The following MET variants were observed in gnomAD, a reference collection of about 807,000 sequenced individuals.
MET encodes MET proto-oncogene, receptor tyrosine kinase, also known as hepatocyte growth factor receptor.
Under a neutral mutation model 133.1 loss-of-function variants are expected in MET, and 48 were observed. The observed-to-expected ratio is 0.36, with a 90% confidence interval of 0.29 to 0.46. The LOEUF (loss-of-function observed/expected upper bound fraction) is 0.46. MET is among the 20% of genes least tolerant of loss of function. The pLI is 1.00. For synonymous variants in MET, 628 were observed against 616.5 expected (o/e 1.02, Z -0.28); for missense variants, 1,442 against 1,695.9 (o/e 0.85, Z 2.63).
chr7:116,788,368 A>G (rs1479375451), intron 19 of MET, among the ~76,000 whole-genome samples: 1 of 152,220 alleles, frequency 6.6e-6, no homozygotes, highest in Non-Finnish European at 1.5e-5. Context: ...TTATACCTCA[A>G]CAAAGCTGAT....
chr7:116,783,567 AC>A, intron 19 of MET, 98 bp downstream of exon 19: 3 of 1,239,528 alleles, frequency 2.4e-6, no homozygotes, highest in Non-Finnish European at 3.5e-6. Flanking sequence ...AAAATTCAAC[AC>A]CACCAATTCC....
intron 5 of MET, among the ~76,000 whole-genome samples, chr7:116,744,326 C>G (rs555677632): frequency 6.6e-6 from 1 of 151,732 alleles, no homozygotes; most frequent in South Asian, 2.1e-4. Flanking sequence ...CTAGAATAAC[C>G]GTTTAGAGAA....
chr7:116,685,455 A>G (rs1796515973), intron 1 of MET, among the ~76,000 whole-genome samples: 1 of 152,114 alleles, frequency 6.6e-6, no homozygotes, highest in South Asian at 2.1e-4. Flanking sequence ...AGGCGGGTGG[A>G]TAGTGAGGCG....
intron 2 of MET, among the ~76,000 whole-genome samples, chr7:116,709,582 G>A (rs1290831460): frequency 2.6e-5 from 4 of 152,078 alleles, no homozygotes; most frequent in Non-Finnish European, 4.4e-5. Flanking sequence ...CGAGAAAGAA[G>A]GGGTGTTTTC....
chr7:116,780,392 A>C (rs1473904760), intron 17 of MET, among the ~76,000 whole-genome samples: 1 of 152,198 alleles, frequency 6.6e-6, no homozygotes, highest in Non-Finnish European at 1.5e-5. Context: ...TACTCAGCCA[A>C]AAGAATAAAA....
intron 3 of MET, among the ~76,000 whole-genome samples, chr7:116,733,869 AAT>A (rs1189997744): frequency 6.6e-6 from 1 of 152,200 alleles, no homozygotes; most frequent in Non-Finnish European, 1.5e-5. Flanking sequence ...ACCTGATAAT[AAT>A]AGTACCTACA....
intron 1 of MET, among the ~76,000 whole-genome samples, chr7:116,682,785 G>A (rs562234679): frequency 2.6e-4 from 40 of 152,036 alleles, no homozygotes; most frequent in African/African-American, 4.8e-4. Flanking sequence ...CCAATTTTTC[G>A]CCATGCCCAC....
At chr7:116,685,885 C>T (rs544259242) in intron 1 of MET, among the ~76,000 whole-genome samples, 4 of 152,094 alleles carry the variant, frequency 2.6e-5, no homozygotes, top group African/African-American at 7.2e-5. Flanking sequence ...TCAGTAAATC[C>T]GGATGGAGTT....
chr7:116,702,607 A>G (rs1791622766), intron 2 of MET, among the ~76,000 whole-genome samples: 1 of 152,168 alleles, frequency 6.6e-6, no homozygotes, highest in Non-Finnish European at 1.5e-5. Context: ...AAATCAAGTG[A>G]CCCTTTTAAT....
chr7:116,730,325 T>C (rs936461199), intron 2 of MET, among the ~76,000 whole-genome samples: 25 of 152,154 alleles, frequency 1.6e-4, no homozygotes, highest in Non-Finnish European at 2.9e-4. Flanking sequence ...TCTGGAGAAG[T>C]TGGGCAGGGG....
At chr7:116,691,443 T>A (rs1178399278) in intron 1 of MET, among the ~76,000 whole-genome samples, 1 of 152,226 alleles carries the variant, frequency 6.6e-6, no homozygotes, top group Non-Finnish European at 1.5e-5. Context: ...AAACTCAAGT[T>A]TGTAGTATTG....
rs1348453406 is a variant in MET at position 116,782,030 on chromosome 7, G to A, written c.3565G>A (p.Ala1189Thr). ...KDLIGFGLQV[A>T]KGMKYLASKK... Reference sequence around the variant, plus strand: ...TCTTATTGGCTTTGGTCTTCAAGTAGCCAAAGGCATGAAATATCTTGCAAG... The same window carrying A: ...TCTTATTGGCTTTGGTCTTCAAGTAACCAAAGGCATGAAATATCTTGCAAG... The change falls in exon 18 of 21, where the codon GCC becomes ACC. Residue 1189 changes from alanine to threonine, a missense_variant. This residue lies in a region of MET where 514 missense variants were observed against 659.6 expected (regional missense o/e 0.78). Coordinates refer to ENST00000397752, the MANE Select transcript of MET (RefSeq NM_000245.4). 4 of 1,613,858 alleles carry A rather than the reference G, an allele frequency of 2.5e-6. No individual in the cohort carries two copies. Among genetic ancestry groups the A allele is most frequent in the Non-Finnish European group, 2.5e-6 (3 of 1,179,886 alleles).
At chr7:116,792,779 A>G (rs1007080391) in intron 19 of MET, among the ~76,000 whole-genome samples, 1 of 152,204 alleles carries the variant, frequency 6.6e-6, no homozygotes, top group African/African-American at 2.4e-5. Context: ...ACAAATCTAC[A>G]TGTAGCGTAG....
intron 19 of MET, among the ~76,000 whole-genome samples, chr7:116,790,379 C>T (rs1448600869): frequency 2.0e-5 from 3 of 152,066 alleles, no homozygotes; most frequent in Admixed American, 6.6e-5. Flanking sequence ...TTTTTAGGAC[C>T]GACTTATTTC....
chr7:116,757,313 A>G (rs923267515), intron 6 of MET, 124 bp from the exon 7 acceptor site: 27 of 780,764 alleles, frequency 3.5e-5, no homozygotes, highest in Non-Finnish European at 6.0e-5. Context: ...GCTTATCTTG[A>G]AACTCTGCTT....
At chr7:116,742,359 A>G (rs1316047252) in intron 5 of MET, among the ~76,000 whole-genome samples, 2 of 152,210 alleles carry the variant, frequency 1.3e-5, no homozygotes, top group Non-Finnish European at 2.9e-5. Context: ...GTATTTGTGT[A>G]CTTTTTTGTT....
At chr7:116,690,521 G>A (rs1796744982) in intron 1 of MET, among the ~76,000 whole-genome samples, 1 of 152,186 alleles carries the variant, frequency 6.6e-6, no homozygotes, top group South Asian at 2.1e-4. Context: ...TCGATTCACT[G>A]TTGGAAACCA....
chr7:116,789,101 T>G (rs1446170462), intron 19 of MET, among the ~76,000 whole-genome samples: 1 of 152,204 alleles, frequency 6.6e-6, no homozygotes, highest in Non-Finnish European at 1.5e-5. Flanking sequence ...TTCTTGAAAT[T>G]TCCTCTTCCT....
intron 1 of MET, among the ~76,000 whole-genome samples, chr7:116,687,198 T>C (rs777385331): frequency 6.6e-6 from 1 of 152,244 alleles, no homozygotes; most frequent in Non-Finnish European, 1.5e-5. Flanking sequence ...CCCTGAATTG[T>C]TTTCCTTGAA....
Sources: gnomAD v4.1 joint callset for allele counts (sites outside exome capture counted in the v4.1 genomes callset) on GRCh38, gnomAD v4.1.1 for gene constraint, gnomAD v4.1.1 regional missense constraint, MANE v1.5 for transcripts, NCBI Gene and HGNC (gene_info 2026-07-23, HGNC 2026-07-21) for gene names.